Variants in LRCH1 observed in about 807,000 individuals in gnomAD.
LRCH1 encodes the protein leucine-rich repeat and calponin homology domain-containing protein 1.
Under a neutral mutation model 94.9 loss-of-function variants are expected in LRCH1, and 23 were observed. The ratio of observed to expected loss-of-function variants is 0.24; its 90% CI spans 0.17 to 0.34. The LOEUF is 0.34. Ranked by LOEUF, LRCH1 falls within the 10% of genes least tolerant of loss-of-function variation. The pLI, the probability that LRCH1 is intolerant of heterozygous loss-of-function variation, is 1.00. For missense variants in LRCH1, 790 were observed against 945.9 expected (o/e 0.84, Z 2.16); for synonymous variants, 364 against 354.9 (o/e 1.03, Z -0.29).
intron 16 of LRCH1, among the ~76,000 whole-genome samples, chr13:46,719,156 T>G (rs778753168): frequency 1.3e-5 from 2 of 152,282 alleles, no homozygotes; most frequent in Non-Finnish European, 2.9e-5. Context: ...TTTCAGAGTC[T>G]AATGCATTCA....
chr13:46,731,287 G>T (rs1487997922), intron 18 of LRCH1, among the ~76,000 whole-genome samples: 1 of 151,860 alleles, frequency 6.6e-6, no homozygotes, highest in Non-Finnish European at 1.5e-5. Flanking sequence ...GCCCAGGCAG[G>T]AGTGCAGTGG....
intron 1 of LRCH1, among the ~76,000 whole-genome samples, chr13:46,627,061 G>A (rs1009020044): frequency 3.4e-4 from 52 of 152,244 alleles, no homozygotes; most frequent in African/African-American, 1.2e-3. Context: ...AAGAAATTTT[G>A]AATCTGCTAG....
chr13:46,643,177 C>T (rs1464831468), intron 1 of LRCH1, among the ~76,000 whole-genome samples: 2 of 152,188 alleles, frequency 1.3e-5, no homozygotes, highest in African/African-American at 4.8e-5. Context: ...GGTTGCCGTT[C>T]AAGACAAAGA....
At chr13:46,725,849 C>T (rs565243887) in intron 17 of LRCH1, among the ~76,000 whole-genome samples, 23 of 152,192 alleles carry the variant, frequency 1.5e-4, no homozygotes, top group Non-Finnish European at 3.4e-4. Flanking sequence ...TTTATGAAAT[C>T]TATGCAACTA....
chr13:46,593,283 C>CTTTTTTTTTTTTTTTTTTTCT (rs34821427), intron 1 of LRCH1, among the ~76,000 whole-genome samples: 2 of 92,202 alleles, frequency 2.2e-5, no homozygotes, highest in Non-Finnish European at 4.2e-5. Flanking sequence ...TCTTTCTTTC[C>CTTTTTTTTTTTTTTTTTTTCT]TTTTTTTTTT....
chr13:46,626,005 G>A (rs566224433), intron 1 of LRCH1, among the ~76,000 whole-genome samples: 4 of 152,240 alleles, frequency 2.6e-5, no homozygotes, highest in African/African-American at 9.6e-5. Flanking sequence ...ATCTTCCATT[G>A]TACTTAATCT....
At chr13:46,576,323 T>C (rs1236858188) in intron 1 of LRCH1, among the ~76,000 whole-genome samples, 2 of 152,220 alleles carry the variant, frequency 1.3e-5, no homozygotes, top group African/African-American at 4.8e-5. Context: ...CTAATTTTTT[T>C]CCGTAGACTT....
chr13:46,706,039 A>G (rs868037983), intron 13 of LRCH1, among the ~76,000 whole-genome samples: 17 of 152,332 alleles, frequency 1.1e-4, no homozygotes, highest in African/African-American at 4.1e-4. Context: ...TGCCCCACTG[A>G]GGTGTTTGCA....
intron 2 of LRCH1, among the ~76,000 whole-genome samples, chr13:46,667,532 G>C (rs2051533672): frequency 1.4e-5 from 1 of 69,260 alleles, no homozygotes; most frequent in African/African-American, 4.4e-5. Flanking sequence ...GTCGTGGGGT[G>C]GGGGGAGGGG....
rs146139011 is a variant in LRCH1, at chr13:46,600,326, T to C, written c.307+46623T>C. On this transcript the variant is annotated intron_variant, in intron 1 of 19. Coordinates refer to ENST00000389797, the MANE Select transcript of LRCH1 (RefSeq NM_001164211.2). ...CTTGCAGACACCTGCACTTGAAATCTTTCAGGTATTTTGCAGTCGTTTTCT... is the reference window on the plus strand; with the variant it reads ...CTTGCAGACACCTGCACTTGAAATCCTTCAGGTATTTTGCAGTCGTTTTCT... Among the ~76,000 whole-genome samples the C allele has an allele frequency of 3.5e-3, 536 of 152,360 alleles. 3 individuals are homozygous for C. The highest frequency in any genetic ancestry group is 0.012 in the African/African-American group (517 of 41,578).
chr13:46,589,266 G>A (rs1273282339), intron 1 of LRCH1, among the ~76,000 whole-genome samples: 8 of 152,034 alleles, frequency 5.3e-5, no homozygotes, highest in African/African-American at 1.9e-4. Flanking sequence ...TCAGACTCAA[G>A]TGATCCTCCT....
intron 16 of LRCH1, 126 bp downstream of exon 16, chr13:46,715,790 G>C: frequency 1.5e-6 from 1 of 647,940 alleles, no homozygotes; most frequent in South Asian, 2.0e-5. Flanking sequence ...GAAATAATGT[G>C]TAAGCCTGGA....
rs563543075 is a variant in LRCH1 at position 46,602,688 on chromosome 13, C to T, written c.308-47513C>T. Among the ~76,000 whole-genome samples the T allele has an allele frequency of 1.2e-4, 18 of 152,204 alleles. No homozygotes were observed. In the South Asian group the frequency reaches 3.3e-3, roughly 28 times the overall value. Reference sequence around the variant, plus strand: ...ATAAAATGGAGGCTGGGTACAGGCTCATGTCTGTAATCCCTACACTTTGGG... The same window carrying T: ...ATAAAATGGAGGCTGGGTACAGGCTTATGTCTGTAATCCCTACACTTTGGG... On this transcript the variant is annotated intron_variant, in intron 1 of 19. Coordinates refer to ENST00000389797, the MANE Select transcript of LRCH1 (RefSeq NM_001164211.2).
chr13:46,590,234 A>G (rs911640710), intron 1 of LRCH1, among the ~76,000 whole-genome samples: 8 of 152,098 alleles, frequency 5.3e-5, no homozygotes, highest in African/African-American at 1.9e-4. Flanking sequence ...TCTCTTCCTT[A>G]TTTTAAAAGA....
At chr13:46,717,410 C>T (rs537447608) in intron 16 of LRCH1, 127 of 152,274 alleles carry the variant, frequency 8.3e-4, no homozygotes, top group African/African-American at 2.9e-3. Context: ...ATAAAGCCAT[C>T]GTTTTCAATA....
intron 1 of LRCH1, among the ~76,000 whole-genome samples, chr13:46,600,155 G>A (rs2050611024): frequency 2.0e-5 from 1 of 49,678 alleles, no homozygotes; most frequent in Admixed American, 3.1e-4. Flanking sequence ...CCATAGTGCT[G>A]GGATTACAGG....
At chr13:46,592,310 G>A (rs1045622590) in intron 1 of LRCH1, among the ~76,000 whole-genome samples, 3 of 152,138 alleles carry the variant, frequency 2.0e-5, no homozygotes, top group African/African-American at 7.2e-5. Flanking sequence ...ACTGCTTATG[G>A]CCCCCAAAAC....
At chr13:46,661,690 C>T (rs972479779) in intron 2 of LRCH1, among the ~76,000 whole-genome samples, 4 of 152,120 alleles carry the variant, frequency 2.6e-5, no homozygotes, top group African/African-American at 7.2e-5. Flanking sequence ...AAAGGATGTA[C>T]GTACACTAAT....
chr13:46,598,186 A>G (rs747606000), intron 1 of LRCH1, among the ~76,000 whole-genome samples: 16 of 152,216 alleles, frequency 1.1e-4, no homozygotes, highest in Non-Finnish European at 2.4e-4. Flanking sequence ...TTTAAACTCC[A>G]TGGTTTCTGA....
Sources: allele counts gnomAD v4.1 joint callset (sites outside exome capture counted in the v4.1 genomes callset), GRCh38; gene constraint gnomAD v4.1.1; transcripts MANE v1.5; gene names NCBI Gene and HGNC (gene_info 2026-07-23, HGNC 2026-07-21).